ENOX2: variants seen among roughly 807,000 people sequenced by gnomAD.
The protein encoded by ENOX2 is APK1 antigen.
In ENOX2, 36 loss-of-function variants were observed where a neutral mutation model predicts 45.0. The ratio of observed to expected loss-of-function variants is 0.80; its 90% CI spans 0.61 to 1.06. The LOEUF (loss-of-function observed/expected upper bound fraction) is 1.06, where lower values mean the gene tolerates loss of function less well. Among genes scored for constraint, ENOX2 ranks in the 50% least tolerant of loss-of-function variants. The pLI is 0.00. For missense variants in ENOX2, 423 were observed against 462.5 expected, an observed-to-expected ratio of 0.91 and a Z score of 0.78; for synonymous variants, 174 against 152.3, an observed-to-expected ratio of 1.14 and a Z score of -1.05.
chrX:130,888,059 C>T (rs1366484645), intron 2 of ENOX2, among the ~76,000 whole-genome samples: 1 of 112,096 alleles, frequency 8.9e-6, no homozygotes, highest in Non-Finnish European at 1.9e-5. Context: ...GGCAATTCTT[C>T]ATCCCTAGTC....
intron 3 of ENOX2, among the ~76,000 whole-genome samples, chrX:130,771,957 G>A (rs1176799343): frequency 2.7e-5 from 3 of 111,916 alleles, no homozygotes; most frequent in African/African-American, 9.7e-5. Flanking sequence ...AGTGTGCCAA[G>A]TCCTAAGTTA....
At chrX:130,821,654 C>T (rs1259530475) in intron 2 of ENOX2, among the ~76,000 whole-genome samples, 3 of 80,398 alleles carry the variant, frequency 3.7e-5, no homozygotes, top group Non-Finnish European at 7.0e-5. Context: ...AACTAACCTG[C>T]ACAATGTGCA....
intron 3 of ENOX2, among the ~76,000 whole-genome samples, chrX:130,776,413 G>A (rs756801423): frequency 9.0e-6 from 1 of 111,065 alleles, no homozygotes; most frequent in East Asian, 2.8e-4. Context: ...GATCCCTCAT[G>A]GCTTGATGCT....
At chrX:130,877,502 C>T (rs1242824662) in intron 2 of ENOX2, among the ~76,000 whole-genome samples, 1 of 111,949 alleles carries the variant, frequency 8.9e-6, no homozygotes, top group African/African-American at 3.2e-5. Flanking sequence ...CCTGAATGAA[C>T]TATTTGTCTG....
At chrX:130,652,615 A>G in intron 10 of ENOX2, among the ~76,000 whole-genome samples, 1 of 112,291 alleles carries the variant, frequency 8.9e-6, no homozygotes, top group East Asian at 2.8e-4. Context: ...GTGTCCTCTC[A>G]AAAAAGATAT....
intron 6 of ENOX2, among the ~76,000 whole-genome samples, chrX:130,674,879 T>C (rs1186093512): frequency 1.0e-5 from 1 of 96,758 alleles, no homozygotes; most frequent in Non-Finnish European, 2.1e-5. Context: ...TTTGGTTTTT[T>C]GTCCTTGTGA....
chrX:130,747,278 TTTCAACTCACTTA>T (rs1410048865), intron 3 of ENOX2, among the ~76,000 whole-genome samples: 2 of 111,563 alleles, frequency 1.8e-5, no homozygotes, highest in Non-Finnish European at 3.8e-5. Context: ...TTGTTTTTTT[TTTCAACTCACTTA>T]AGACAGCAAT....
intron 3 of ENOX2, among the ~76,000 whole-genome samples, chrX:130,754,723 C>T (rs1268665720): frequency 5.5e-5 from 6 of 108,249 alleles, no homozygotes; most frequent in African/African-American, 1.7e-4. Flanking sequence ...ACAATCAACA[C>T]GGGGGATTAC....
intron 2 of ENOX2, among the ~76,000 whole-genome samples, chrX:130,790,161 G>A: frequency 8.9e-6 from 1 of 112,552 alleles, no homozygotes; most frequent in African/African-American, 3.2e-5. Flanking sequence ...GGTAAGTAAA[G>A]GTAATGAAGA....
At chrX:130,859,528 T>C (rs1328992939) in intron 2 of ENOX2, among the ~76,000 whole-genome samples, 1 of 112,288 alleles carries the variant, frequency 8.9e-6, no homozygotes, top group Admixed American at 9.4e-5. Flanking sequence ...GCAGAGTAAG[T>C]AGGAGTTCAC....
At chrX:130,753,898 T>C (rs1029959858) in intron 3 of ENOX2, among the ~76,000 whole-genome samples, 1 of 111,199 alleles carries the variant, frequency 9.0e-6, no homozygotes, top group Admixed American at 9.6e-5. Context: ...CTGGATCATA[T>C]GGAAAGGGGT....
intron 2 of ENOX2, among the ~76,000 whole-genome samples, chrX:130,866,620 CT>C (rs58852596): frequency 0.051 from 5,705 of 111,455 alleles, 390 homozygotes; most frequent in African/African-American, 0.18. Flanking sequence ...ATCCTGTTCA[CT>C]TTTTTGTTCT....
In ENOX2 at chrX:130,793,935, T is replaced by C. The variant is rs558057323; in HGVS notation, c.-182-10245A>G. Among the ~76,000 whole-genome samples, 4 of 112,395 alleles carry C rather than the reference T, an allele frequency of 3.6e-5. No homozygotes were observed. In the Middle Eastern group the frequency reaches 0.019, roughly 520 times the overall value. ...TGACAGATGGTAGATGGGTGATCTA[T>C]CATTTTCCTTAGAATAAAGTCTGTC... On this transcript the variant is annotated intron_variant, in intron 2 of 14. Transcript: ENST00000394363.
intron 3 of ENOX2, among the ~76,000 whole-genome samples, chrX:130,727,669 C>T (rs372669794): frequency 8.9e-5 from 10 of 112,284 alleles, no homozygotes; most frequent in East Asian, 8.4e-4. Flanking sequence ...AACTTAGACT[C>T]GGTAGTCAGA....
intron 3 of ENOX2, among the ~76,000 whole-genome samples, chrX:130,729,249 T>C (rs1428348141): frequency 8.9e-6 from 1 of 112,119 alleles, no homozygotes; most frequent in Non-Finnish European, 1.9e-5. Flanking sequence ...TGGACATATG[T>C]ATAGAAATTT....
intron 13 of ENOX2, among the ~76,000 whole-genome samples, chrX:130,629,695 A>G (rs1186782061): frequency 3.6e-5 from 4 of 112,382 alleles, no homozygotes; most frequent in Non-Finnish European, 7.5e-5. Flanking sequence ...AGGCAGAGAT[A>G]TCTTAAAAAT....
intron 3 of ENOX2, among the ~76,000 whole-genome samples, chrX:130,735,357 T>G (rs769395274): frequency 2.8e-4 from 32 of 112,362 alleles, no homozygotes; most frequent in Non-Finnish European, 3.8e-5. Flanking sequence ...CATTAATATT[T>G]AATGTGACTA....
In ENOX2 at chrX:130,670,036, C is replaced by T. The variant is rs779235219; in HGVS notation, c.623G>A (p.Arg208His). 8 of 1,209,591 alleles carry T rather than the reference C, an allele frequency of 6.6e-6. No individual in the cohort carries two copies. The Admixed American group carries it at 8.7e-5, about 13-fold the overall frequency. Residue 208 changes from arginine (R) to histidine (H), a missense_variant, in exon 7 of 15, where the codon CGT becomes CAT. By Grantham distance (29) the Arg-to-His change is conservative. Around this residue, in one of 5 missense-constraint regions of ENOX2, gnomAD observed 261 missense variants for 306.8 expected, o/e 0.85. Coordinates refer to ENST00000394363, the MANE Select transcript of ENOX2 (RefSeq NM_006375.4). ...HRRRMEEERL[R>H]PPSPPPVVHY... Reference sequence around the variant, plus strand: ...GACCACTGGGGGTGGAGATGGTGGACGCAATCTTTCTTCTTCCATTCTTCT... The same window carrying T: ...GACCACTGGGGGTGGAGATGGTGGATGCAATCTTTCTTCTTCCATTCTTCT...
rs199528867 is a variant in ENOX2, at chrX:130,703,153, G to A, written c.64C>T (p.Pro22Ser). The part of the protein sequence containing the change: ...ATAMNNLGMA[P>S]LGIAGQPILP... ...ATTGGTTGTCCGGCAATTCCCAGCG[G>A]TGCCATTCCAAGATTATTCATTGCT... Residue 22 changes from proline to serine, a missense_variant, in exon 4 of 15, where the codon CCG (proline) becomes TCG (serine). Around this residue, in one of 5 missense-constraint regions of ENOX2, gnomAD observed 261 missense variants for 306.8 expected, o/e 0.85. Transcript: ENST00000394363. 35 of 1,207,640 alleles carry A rather than the reference G, an allele frequency of 2.9e-5. No homozygotes were observed. The highest frequency in any genetic ancestry group is 3.7e-5 in the Non-Finnish European group (33 of 893,534).
Sources: allele counts gnomAD v4.1 joint callset (sites outside exome capture counted in the v4.1 genomes callset), GRCh38; gene constraint gnomAD v4.1.1; regional missense constraint gnomAD v4.1.1; transcripts MANE v1.5; gene names NCBI Gene and HGNC (gene_info 2026-07-23, HGNC 2026-07-21).